The following TLN1 variants were observed in gnomAD, a reference collection of about 807,000 sequenced individuals.
TLN1 encodes the protein talin-1.
Under a neutral mutation model 292.3 loss-of-function variants are expected in TLN1, and 56 were observed. That is an observed-to-expected ratio of 0.19 (90% CI 0.15 to 0.24). TLN1 has a LOEUF of 0.24. Among genes scored for constraint, TLN1 ranks in the 10% least tolerant of loss-of-function variants. The pLI is 1.00. For missense variants in TLN1, 2,433 were observed against 3,248.2 expected, an observed-to-expected ratio of 0.75 and a Z score of 6.10; for synonymous variants, 1,119 against 1,253.7, an observed-to-expected ratio of 0.89 and a Z score of 2.27.
chr9:35,725,118 A>T lies in TLN1; in HGVS notation c.228+106T>A, dbSNP rs949036354. 90 of 1,528,948 alleles carry T rather than the reference A, an allele frequency of 5.9e-5. No individual in the cohort carries two copies. In the South Asian group the frequency reaches 1.0e-3, roughly 17 times the overall value. 94.7% of individuals were successfully genotyped at this position (1,528,948 alleles called of 1,614,324 possible). A position where few individuals can be genotyped will look rare whatever the true frequency, so the allele number is the denominator to read the frequency against. ...GACTGTCTGTTAATAGGAAGAAAGC[A>T]TGGGGAGGGCTAAGAGACAACAGAT... On this transcript the variant is annotated intron_variant, in intron 3 of 56. Transcript: ENST00000314888.
Position 35,717,858 on chromosome 9 carries a change from G to A in TLN1, c.1996-72C>T. On this transcript the variant is annotated intron_variant, in intron 17 of 56. Coordinates refer to ENST00000314888, the MANE Select transcript of TLN1 (RefSeq NM_006289.4). This position sits in a 1 kb window ranked among gnomAD's most constrained non-coding sequence, Gnocchi z 4.7. ...TCACAGACACTTCTCAGAGGCGTAA[G>A]CTGCTTCATTATTCCCACTGATCCA... 3.3e-6 allele frequency: 5 copies of A among 1,513,176 alleles called. No individual in the cohort carries two copies. In the South Asian group the frequency reaches 3.7e-5, roughly 11 times the overall value. The allele number at this position is 1,513,176 out of a possible 1,614,324, so 93.7% of individuals were successfully genotyped here.
chr9:35,704,966 G>A lies in TLN1; in HGVS notation c.5734-151C>T, dbSNP rs1263299513. The A allele has an allele frequency of 3.2e-6, 3 of 945,826 alleles. No individual in the cohort carries two copies. The highest frequency in any genetic ancestry group is 4.6e-6 in the Non-Finnish European group (3 of 646,180). 58.6% of individuals were successfully genotyped at this position (945,826 alleles called of 1,614,324 possible). A position where few individuals can be genotyped will look rare whatever the true frequency, so the allele number is the denominator to read the frequency against. On this transcript the variant is annotated intron_variant, in intron 43 of 56. Transcript: ENST00000314888. The surrounding 1 kb of genome is among the most constrained non-coding windows in gnomAD (Gnocchi z 6.9). Reference sequence around the variant, plus strand: ...AGGTTCCCAGCACAAGGACGTTTCCGGTTGCATATCCTTTAGGCAGAAGGT... The same window carrying A: ...AGGTTCCCAGCACAAGGACGTTTCCAGTTGCATATCCTTTAGGCAGAAGGT...
chr9:35,728,725 A>G (rs1039625426), intron 1 of TLN1, among the ~76,000 whole-genome samples: 72 of 152,168 alleles, frequency 4.7e-4, no homozygotes, highest in African/African-American at 1.7e-3. Flanking sequence ...CCCGGCACCC[A>G]GTGTCTCTCC....
Position 35,699,004 on chromosome 9 carries a change from G to A in TLN1, c.6999+28C>T, listed in dbSNP as rs374663771. On this transcript the variant is annotated intron_variant, in intron 52 of 56. Transcript: ENST00000314888. This position sits in a 1 kb window ranked among gnomAD's most constrained non-coding sequence, Gnocchi z 4.0. ...AAGGTGGGGACACTGCCATGGTGAG[G>A]GTGGAAGAGGAAGGGAGCAGGACTG... 6.8e-6 allele frequency: 11 copies of A among 1,608,416 alleles called. No homozygotes were observed. Among genetic ancestry groups the A allele is most frequent in the Non-Finnish European group, 9.4e-6 (11 of 1,175,376 alleles).
rs368772384 is a variant in TLN1, at chr9:35,725,577, G to A, written c.118C>T (p.Pro40Ser). ...RIIRERIPEAPAGPPSDFGLF... is the reference protein window; with the variant it reads ...RIIRERIPEASAGPPSDFGLF... ...GAGTCAGACTCACGAGGACCAGCTG[G>A]GGCCTCTGGGATCCGCTCACGAATG... Residue 40 changes from proline to serine, a missense_variant, in exon 2 of 57, where the codon CCA becomes TCA. By Grantham distance (74) the Pro-to-Ser change is moderately conservative. Around this residue, in one of 7 missense-constraint regions of TLN1, gnomAD observed 155 missense variants for 287.9 expected, o/e 0.54. Transcript: ENST00000314888. 4.1e-5 allele frequency: 66 copies of A among 1,612,984 alleles called. 1 individual carries two copies. The highest frequency in any genetic ancestry group is 5.1e-5 in the Non-Finnish European group (60 of 1,179,430).
chr9:35,700,907 T>G (rs1345781024), intron 48 of TLN1, among the ~76,000 whole-genome samples: 3 of 152,242 alleles, frequency 2.0e-5, no homozygotes, highest in African/African-American at 2.4e-5. Flanking sequence ...GGGCTAGGGA[T>G]GCTCCCTGTT....
chr9:35,702,386 C>A (rs1039786342), intron 48 of TLN1, among the ~76,000 whole-genome samples: 6 of 152,116 alleles, frequency 3.9e-5, no homozygotes, highest in Admixed American at 3.9e-4. Context: ...TTTGTACAAC[C>A]CTGGGAAGGC....
chr9:35,705,518 C>T, intron 43 of TLN1, 33 bp downstream of exon 43: 1 of 1,538,512 alleles, frequency 6.5e-7, no homozygotes, highest in Non-Finnish European at 8.7e-7. Flanking sequence ...GAACAAGGGG[C>T]AGGGGGCAGG....
chr9:35,712,241 G>A lies in TLN1; in HGVS notation c.3562-117C>T. ...GCCTCTGAAAGTGAAAAAAGAAAGG[G>A]GGCGTTGTAGGTGAACAGGCTGAGG... On this transcript the variant is annotated intron_variant, in intron 27 of 56. Coordinates refer to ENST00000314888, the MANE Select transcript of TLN1 (RefSeq NM_006289.4). The A allele has an allele frequency of 4.4e-6, 6 of 1,353,836 alleles. No individual in the cohort carries two copies. In the South Asian group the frequency reaches 9.0e-5, roughly 20 times the overall value. 83.9% of individuals were successfully genotyped at this position (1,353,836 alleles called of 1,614,324 possible). A position where few individuals can be genotyped will look rare whatever the true frequency, so the allele number is the denominator to read the frequency against.
In TLN1 at chr9:35,706,948, A is replaced by C; in HGVS notation, c.4956-48T>G. 1 of 1,610,422 alleles carries C rather than the reference A, an allele frequency of 6.2e-7. No individual in the cohort carries two copies. The highest frequency in any genetic ancestry group is 1.3e-5 in the African/African-American group (1 of 74,840). On this transcript the variant is annotated intron_variant, in intron 37 of 56. Coordinates refer to ENST00000314888, the MANE Select transcript of TLN1 (RefSeq NM_006289.4). The surrounding 1 kb of genome is among the most constrained non-coding windows in gnomAD (Gnocchi z 4.2). ...AACACCAAGAACATCCCCTACTGCA[A>C]GGCCAGCCTATCCTTCCCCTGTATC...
rs373243370 is a variant in TLN1, at chr9:35,714,264, G to C, written c.3095C>G (p.Ala1032Gly). 53 of 1,612,912 alleles carry C rather than the reference G, an allele frequency of 3.3e-5. No individual in the cohort carries two copies. The African/African-American group carries it at 6.4e-4, about 19-fold the overall frequency. Residue 1032 changes from alanine (A) to glycine (G), a missense_variant, in exon 24 of 57, where the codon GCT becomes GGT. Transcript: ENST00000314888. The surrounding 1 kb of genome is among the most constrained non-coding windows in gnomAD (Gnocchi z 4.6). ...CTTCTGGGCAGCCGTCCGGAGTTCA[G>C]CCAGCGCGGTGCCCAGGTTCTTGGC... The part of the protein sequence containing the change: ...QCAKNLGTAL[A>G]ELRTAAQKAQ...
rs147636996 is a variant in TLN1 at position 35,717,182 on chromosome 9, C to T, written c.2422G>A (p.Val808Ile). Residue 808 changes from valine (V) to isoleucine (I), a missense_variant, in exon 19 of 57, where the codon GTC becomes ATC. Coordinates refer to ENST00000314888, the MANE Select transcript of TLN1 (RefSeq NM_006289.4). The surrounding 1 kb of genome is among the most constrained non-coding windows in gnomAD (Gnocchi z 4.7). ...ATGGAGCTAAAGATGTTCTCAGTGA[C>T]GGTTAGGATGGTGTCAGTAGCCTGG... Reference protein sequence around the residue: ...YDQATDTILTVTENIFSSMGD... With the variant: ...YDQATDTILTITENIFSSMGD... The T allele has an allele frequency of 8.4e-5, 135 of 1,610,564 alleles. No individual in the cohort carries two copies. Among genetic ancestry groups the T allele is most frequent in the Middle Eastern group, 1.6e-4 (1 of 6,074 alleles).
At chr9:35,703,744 C>T (rs1424822689) in intron 47 of TLN1, 31 bp downstream of exon 47, 3 of 1,614,152 alleles carry the variant, frequency 1.9e-6, no homozygotes, top group Non-Finnish European at 1.7e-6. Flanking sequence ...AATCCAGTGC[C>T]CCTCCTGATG....
Position 35,699,310 on chromosome 9 carries a change from CATG to C in TLN1, c.6874+43_6874+45del. ...TCCAGCCAGGAAGCAGAGATCACAC[CATG>C]ATAAGGGTTTTCCATCCGTCCCTGT... On this transcript the variant is annotated intron_variant, in intron 51 of 56. Transcript: ENST00000314888. This position sits in a 1 kb window ranked among gnomAD's most constrained non-coding sequence, Gnocchi z 4.0. The C allele has an allele frequency of 1.9e-6, 3 of 1,581,278 alleles. No homozygotes were observed. Among genetic ancestry groups the C allele is most frequent in the South Asian group, 1.2e-5 (1 of 85,576 alleles).
In TLN1 at chr9:35,707,808, G is replaced by A; in HGVS notation, c.4555C>T (p.Pro1519Ser). The A allele has an allele frequency of 6.8e-6, 11 of 1,614,192 alleles. No individual in the cohort carries two copies. The highest frequency in any genetic ancestry group is 9.3e-6 in the Non-Finnish European group (11 of 1,180,034). The stretch of plus-strand genomic sequence containing the variant: ...TGTACAAACTGGCGCTTGGCAGTAG[G>A]ATTGGTGGTACGGGCAGAAGCCAGG... ...CRLASARTTN[P>S]TAKRQFVQSA... is the part of the protein sequence containing the mutation. Residue 1519 changes from proline (P) to serine (S), a missense_variant, in exon 35 of 57, where the codon CCT (proline) becomes TCT (serine). Transcript: ENST00000314888. The surrounding 1 kb of genome is among the most constrained non-coding windows in gnomAD (Gnocchi z 5.6).
At position 35,719,426 on chromosome 9, in the gene TLN1, G is replaced by T; in HGVS notation, c.1687+93C>A. ...ACAGTCCCTTCCACAGTGAGTCAAG[G>T]CACAGTCACACATGAAGCCAGTCAC... On this transcript the variant is annotated intron_variant, in intron 15 of 56. Transcript: ENST00000314888. The surrounding 1 kb of genome is among the most constrained non-coding windows in gnomAD (Gnocchi z 4.6). 1 of 1,363,498 alleles carries T rather than the reference G, an allele frequency of 7.3e-7. No homozygotes were observed. Among genetic ancestry groups the T allele is most frequent in the Non-Finnish European group, 1.0e-6 (1 of 955,172 alleles). The allele number at this position is 1,363,498 out of a possible 1,614,324, so 84.5% of individuals were successfully genotyped here. A position where few individuals can be genotyped will look rare whatever the true frequency, so the allele number is the denominator to read the frequency against.
chr9:35,704,385 G>A lies in TLN1; in HGVS notation c.5994C>T (p.Phe1998=), dbSNP rs755667653. The A allele has an allele frequency of 1.2e-5, 20 of 1,614,090 alleles. No individual in the cohort carries two copies. The highest frequency in any genetic ancestry group is 4.4e-5 in the South Asian group (4 of 91,086). The change falls in exon 45 of 57, where the codon TTC becomes TTT. Residue 1998 remains phenylalanine, a synonymous_variant. Coordinates refer to ENST00000314888, the MANE Select transcript of TLN1 (RefSeq NM_006289.4). The surrounding 1 kb of genome is among the most constrained non-coding windows in gnomAD (Gnocchi z 6.9). ...IIADLDTTIM[F]ATAGTLNREG... Reference sequence around the variant, plus strand: ...CACGATTGAGCGTGCCAGCAGTGGCGAACATGATGGTGGTGTCGAGGTCAG... The same window carrying A: ...CACGATTGAGCGTGCCAGCAGTGGCAAACATGATGGTGGTGTCGAGGTCAG...
chr9:35,716,965 A>G (rs1340507768), intron 19 of TLN1, among the ~76,000 whole-genome samples, 181 bp downstream of exon 19: 1 of 152,130 alleles, frequency 6.6e-6, no homozygotes, highest in Non-Finnish European at 1.5e-5. Context: ...TATTCCTTTT[A>G]CAGAAGGGGA....
chr9:35,720,270 G>A (rs375237323), intron 12 of TLN1, 51 bp from the exon 13 acceptor site: 214 of 1,545,442 alleles, frequency 1.4e-4, no homozygotes, highest in Admixed American at 7.9e-4. Flanking sequence ...ATCTCTACCC[G>A]TCCCACCCGG....
Sources: gnomAD v4.1 joint callset for allele counts (sites outside exome capture counted in the v4.1 genomes callset) on GRCh38, gnomAD v4.1.1 for gene constraint, gnomAD v4.1.1 regional missense constraint, Gnocchi (gnomAD v3.1) non-coding constraint, MANE v1.5 for transcripts, NCBI Gene and HGNC (gene_info 2026-07-23, HGNC 2026-07-21) for gene names.